CTNNA3: variants seen among roughly 807,000 people sequenced by gnomAD.
CTNNA3 encodes catenin alpha-3.
In CTNNA3, 76 loss-of-function variants were observed where a neutral mutation model predicts 95.7. That is an observed-to-expected ratio of 0.79 (90% CI 0.66 to 0.96). The LOEUF (loss-of-function observed/expected upper bound fraction) is 0.96, where lower values mean the gene tolerates loss of function less well. Ranked by LOEUF, CTNNA3 falls within the 40% of genes least tolerant of loss-of-function variation. The pLI, the probability that CTNNA3 is intolerant of heterozygous loss-of-function variation, is 0.00. For missense variants in CTNNA3, 1,191 were observed against 1,089.8 expected (o/e 1.09, Z -1.31); for synonymous variants, 431 against 374.4 (o/e 1.15, Z -1.74).
At chr10:67,110,928 GT>G (rs1858883708) in intron 7 of CTNNA3, among the ~76,000 whole-genome samples, 1 of 152,112 alleles carries the variant, frequency 6.6e-6, no homozygotes, top group South Asian at 2.1e-4. Flanking sequence ...ACCTAAATAA[GT>G]TTTCGTTCCT....
chr10:66,444,675 C>T (rs1383288408), intron 11 of CTNNA3, among the ~76,000 whole-genome samples: 2 of 152,108 alleles, frequency 1.3e-5, no homozygotes, highest in African/African-American at 4.8e-5. Flanking sequence ...CTGAAGGAAG[C>T]ACTAAACATG....
chr10:67,235,655 T>G (rs1268776335), intron 5 of CTNNA3, among the ~76,000 whole-genome samples: 1 of 142,134 alleles, frequency 7.0e-6, no homozygotes, highest in Non-Finnish European at 1.5e-5. Flanking sequence ...AAAGCCAAAA[T>G]TGACAAATGG....
At chr10:66,918,686 T>C (rs1482459931) in intron 7 of CTNNA3, among the ~76,000 whole-genome samples, 2 of 152,200 alleles carry the variant, frequency 1.3e-5, no homozygotes, top group Non-Finnish European at 2.9e-5. Flanking sequence ...GTGTGGGCTT[T>C]TTCTAAGATC....
intron 10 of CTNNA3, among the ~76,000 whole-genome samples, chr10:66,564,416 T>C (rs1252064803): frequency 6.6e-6 from 1 of 152,168 alleles, no homozygotes; most frequent in Non-Finnish European, 1.5e-5. Flanking sequence ...CTTCCCTGTT[T>C]ACCTCATGGG....
intron 10 of CTNNA3, among the ~76,000 whole-genome samples, chr10:66,521,328 C>T (rs1841061577): frequency 6.6e-6 from 1 of 152,076 alleles, no homozygotes; most frequent in Admixed American, 6.6e-5. Flanking sequence ...TGATATCAGG[C>T]ATTTAATCAA....
chr10:66,242,435 C>T (rs10997001), intron 13 of CTNNA3, among the ~76,000 whole-genome samples: 32,570 of 151,906 alleles, frequency 0.21, 3,681 homozygotes, highest in South Asian at 0.29. Context: ...ATTGACAGTA[C>T]GCATATTCAG....
chr10:66,884,530 T>C (rs149097968), intron 7 of CTNNA3, among the ~76,000 whole-genome samples: 113 of 152,144 alleles, frequency 7.4e-4, no homozygotes, highest in African/African-American at 2.6e-3. Flanking sequence ...CCAACAACCA[T>C]GTGAATGAGC....
At chr10:67,287,391 A>T (rs933978821) in intron 5 of CTNNA3, among the ~76,000 whole-genome samples, 4 of 152,154 alleles carry the variant, frequency 2.6e-5, no homozygotes, top group African/African-American at 9.7e-5. Context: ...GTGATAGCCA[A>T]ACCCATTCCA....
chr10:67,500,629 A>T (rs1839197888), intron 5 of CTNNA3, among the ~76,000 whole-genome samples: 1 of 152,176 alleles, frequency 6.6e-6, no homozygotes, highest in African/African-American at 2.4e-5. Flanking sequence ...GTGCATATAT[A>T]CTTAGGATAC....
intron 9 of CTNNA3, among the ~76,000 whole-genome samples, chr10:66,671,518 T>C (rs1846660451): frequency 6.6e-6 from 1 of 152,176 alleles, no homozygotes; most frequent in Non-Finnish European, 1.5e-5. Flanking sequence ...CAGAACATAT[T>C]TGAAAGAATG....
intron 12 of CTNNA3, among the ~76,000 whole-genome samples, chr10:66,335,764 C>T (rs1564877620): frequency 6.6e-6 from 1 of 152,130 alleles, no homozygotes; most frequent in Non-Finnish European, 1.5e-5. Context: ...ACCTGTCAGA[C>T]AGGGACATTT....
chr10:66,801,355 A>T (rs1475333436), intron 7 of CTNNA3, among the ~76,000 whole-genome samples: 3 of 151,478 alleles, frequency 2.0e-5, no homozygotes, highest in African/African-American at 7.2e-5. Context: ...TGGAATTTAC[A>T]GACAACAAAG....
At chr10:66,730,070 C>T (rs1848909683) in intron 9 of CTNNA3, among the ~76,000 whole-genome samples, 1 of 147,842 alleles carries the variant, frequency 6.8e-6, no homozygotes, top group Non-Finnish European at 1.5e-5. Flanking sequence ...TGTGCCACTG[C>T]ACTCCAGCCT....
intron 12 of CTNNA3, among the ~76,000 whole-genome samples, chr10:66,324,197 G>A (rs2092225500): frequency 6.6e-6 from 1 of 151,738 alleles, no homozygotes. Context: ...GCGCACACCT[G>A]TAATCCCAGC....
chr10:67,362,317 T>G (rs1843018904), intron 5 of CTNNA3, among the ~76,000 whole-genome samples: 1 of 151,526 alleles, frequency 6.6e-6, no homozygotes, highest in Non-Finnish European at 1.5e-5. Flanking sequence ...AAAGACAGGA[T>G]GAAAAAAGAA....
intron 11 of CTNNA3, among the ~76,000 whole-genome samples, chr10:66,423,907 T>C (rs2093217838): frequency 6.6e-6 from 1 of 152,200 alleles, no homozygotes; most frequent in Non-Finnish European, 1.5e-5. Flanking sequence ...AACATCCATG[T>C]CTGGTGTCTT....
chr10:67,361,130 C>T (rs938005774), intron 5 of CTNNA3, among the ~76,000 whole-genome samples: 1 of 152,030 alleles, frequency 6.6e-6, no homozygotes, highest in Non-Finnish European at 1.5e-5. Context: ...ATTCAGAACA[C>T]AACTGCCTAT....
intron 5 of CTNNA3, among the ~76,000 whole-genome samples, chr10:67,369,768 T>C (rs560043401): frequency 5.8e-4 from 89 of 152,274 alleles, no homozygotes; most frequent in African/African-American, 2.1e-3. Flanking sequence ...CTAGATAATA[T>C]CTTTTGCCTA....
intron 17 of CTNNA3, among the ~76,000 whole-genome samples, chr10:65,956,557 A>G (rs960839976): frequency 6.6e-6 from 1 of 152,098 alleles, no homozygotes; most frequent in African/African-American, 2.4e-5. Context: ...ACACTGCTTT[A>G]AATGTGTCCC....
Sources: gnomAD v4.1 joint callset for allele counts (sites outside exome capture counted in the v4.1 genomes callset) on GRCh38, gnomAD v4.1.1 for gene constraint, MANE v1.5 for transcripts, NCBI Gene and HGNC (gene_info 2026-07-23, HGNC 2026-07-21) for gene names.